The following KANK1 variants were observed in gnomAD, a reference collection of about 807,000 sequenced individuals.
KANK1 encodes the protein KN motif and ankyrin repeat domains 1.
In KANK1, 109 loss-of-function variants were observed where a neutral mutation model predicts 106.2. The observed-to-expected ratio is 1.03, with a 90% CI of 0.88 to 1.20. KANK1 has a LOEUF of 1.20. KANK1 is among the 50% of genes most tolerant of loss of function. The pLI, the probability that KANK1 is intolerant of heterozygous loss-of-function variation, is 0.00. For synonymous variants in KANK1, 873 were observed against 652.2 expected (o/e 1.34, Z -5.16); for missense variants, 2,399 against 1,710.7 (o/e 1.40, Z -7.10).
chr9:543,708 G>C (rs1231627256), intron 1 of KANK1, among the ~76,000 whole-genome samples: 2 of 152,170 alleles, frequency 1.3e-5, no homozygotes, highest in African/African-American at 2.4e-5. Context: ...TGTCAGTGCA[G>C]ATGGAAAACT....
chr9:745,527 C>T lies in KANK1; in HGVS notation c.*292C>T, dbSNP rs1391707521. 2.4e-5 allele frequency: 6 copies of T among 251,578 alleles called. No individual in the cohort carries two copies. The East Asian group carries it at 4.8e-4, about 20-fold the overall frequency. 15.6% of individuals were successfully genotyped at this position (251,578 alleles called of 1,614,324 possible). A position where few individuals can be genotyped will look rare whatever the true frequency, so the allele number is the denominator to read the frequency against. On this transcript the variant is annotated 3_prime_UTR_variant, in exon 12 of 12. Transcript: ENST00000382297. ...AGGGAATTCTGATCTGAAGGGGCAC[C>T]TTCTGTTCACTCCCACAAAGTGGTG... is the stretch of plus-strand genomic sequence containing the variant.
intron 2 of KANK1, chr9:686,647 T>G (rs1225772051): frequency 1.7e-6 from 1 of 587,498 alleles, no homozygotes; most frequent in Middle Eastern, 8.6e-4. Context: ...AGCACCACAC[T>G]TTATACAGCT....
intron 1 of KANK1, among the ~76,000 whole-genome samples, chr9:624,628 C>G (rs921314507): frequency 3.9e-5 from 6 of 151,938 alleles, no homozygotes; most frequent in South Asian, 2.1e-4. Context: ...CATAGTGAAA[C>G]CCCATCTCTA....
chr9:526,510 C>A (rs1035240773), intron 1 of KANK1, among the ~76,000 whole-genome samples: 3 of 151,626 alleles, frequency 2.0e-5, no homozygotes, highest in Non-Finnish European at 2.9e-5. Flanking sequence ...GCCATGAATT[C>A]AAGACCAGTC....
At chr9:637,213 G>A (rs1375432190) in intron 1 of KANK1, among the ~76,000 whole-genome samples, 6 of 152,138 alleles carry the variant, frequency 3.9e-5, no homozygotes. Flanking sequence ...GTCTTCTGTT[G>A]CCTTCAAACA....
At chr9:487,566 G>C (rs2058314099) in intron 3 of KANK1, among the ~76,000 whole-genome samples, 1 of 152,196 alleles carries the variant, frequency 6.6e-6, no homozygotes, top group South Asian at 2.1e-4. Flanking sequence ...TAGGGAGTCT[G>C]TACAAGTTAC....
At chr9:672,906 G>T (rs1176189866) in intron 1 of KANK1, among the ~76,000 whole-genome samples, 3 of 152,138 alleles carry the variant, frequency 2.0e-5, no homozygotes, top group African/African-American at 7.2e-5. Context: ...TTCTTTCTTA[G>T]CTAGGAGAAC....
At chr9:651,343 T>A (rs1840839850) in intron 1 of KANK1, among the ~76,000 whole-genome samples, 2 of 152,194 alleles carry the variant, frequency 1.3e-5, no homozygotes, top group Non-Finnish European at 1.5e-5. Flanking sequence ...TCCTGAAAAA[T>A]TTTCTGTCTT....
At chr9:508,289 C>T (rs554042887) in intron 1 of KANK1, among the ~76,000 whole-genome samples, 20 of 151,720 alleles carry the variant, frequency 1.3e-4, no homozygotes, top group Admixed American at 4.6e-4. Flanking sequence ...AGGCATCTGC[C>T]ACCATGCCCG....
At chr9:505,270 T>G (rs986784748) in intron 1 of KANK1, among the ~76,000 whole-genome samples, 3 of 151,992 alleles carry the variant, frequency 2.0e-5, no homozygotes, top group African/African-American at 7.2e-5. Flanking sequence ...CCCTTTATCC[T>G]CGGCCCCAGA....
intron 1 of KANK1, among the ~76,000 whole-genome samples, chr9:584,265 G>A (rs930814880): frequency 6.6e-6 from 1 of 152,154 alleles, no homozygotes; most frequent in Non-Finnish European, 1.5e-5. Flanking sequence ...AATATCATAT[G>A]ATTTACTTTT....
intron 1 of KANK1, among the ~76,000 whole-genome samples, chr9:596,424 A>G (rs140536070): frequency 1.3e-5 from 2 of 151,844 alleles, no homozygotes; most frequent in Admixed American, 6.5e-5. Flanking sequence ...AAAGGCAACC[A>G]AGGCTGGCTG....
At chr9:689,083 C>T (rs1022615745) in intron 2 of KANK1, among the ~76,000 whole-genome samples, 6 of 152,084 alleles carry the variant, frequency 3.9e-5, no homozygotes, top group Non-Finnish European at 7.4e-5. Flanking sequence ...TTCTGTGTCC[C>T]CCCAATTCAT....
chr9:693,310 A>G (rs1216550919), intron 2 of KANK1: 3 of 844,998 alleles, frequency 3.6e-6, no homozygotes, highest in Non-Finnish European at 4.3e-6. Context: ...CTGCTGTGCT[A>G]TAGCTCAAAT....
In KANK1 at chr9:712,693, AAGGAG is replaced by A; in HGVS notation, c.1928_1932del (p.Lys643MetfsTer9). ...TGTTGACGTGACCGTCTGCTCTCCAAAGGAGTGCGCCTCCCGGGGCGTGAACACTG... is the reference window on the plus strand; with the variant it reads ...TGTTGACGTGACCGTCTGCTCTCCAATGCGCCTCCCGGGGCGTGAACACTG... On this transcript the variant is annotated frameshift_variant, in exon 3 of 12. Transcript: ENST00000382297. LOFTEE classifies it high-confidence loss of function. The A allele has an allele frequency of 6.2e-7, 1 of 1,614,108 alleles. No homozygotes were observed. Among genetic ancestry groups the A allele is most frequent in the Non-Finnish European group, 8.5e-7 (1 of 1,179,996 alleles).
intron 2 of KANK1, among the ~76,000 whole-genome samples, chr9:697,076 CTGTGTG>C (rs3028272): frequency 6.6e-5 from 10 of 151,046 alleles, no homozygotes; most frequent in Admixed American, 1.3e-4. Context: ...TTTGTTCCAT[CTGTGTG>C]TGTGTGTGTG....
intron 1 of KANK1, among the ~76,000 whole-genome samples, chr9:617,615 G>T (rs959885121): frequency 5.3e-5 from 8 of 152,158 alleles, no homozygotes; most frequent in African/African-American, 1.7e-4. Context: ...TCACCTGGCT[G>T]TTGGGGGAGG....
At chr9:730,489 C>G (rs886190874) in intron 4 of KANK1, 4 of 467,186 alleles carry the variant, frequency 8.6e-6, no homozygotes, top group Non-Finnish European at 1.6e-5. Flanking sequence ...GCCAGGAGTT[C>G]GAGACCAGCC....
chr9:551,049 G>A (rs1317708712), intron 1 of KANK1, among the ~76,000 whole-genome samples: 1 of 151,978 alleles, frequency 6.6e-6, no homozygotes, highest in African/African-American at 2.4e-5. Flanking sequence ...GGAAAGCCAA[G>A]ATGGAAAATG....
Sources: allele counts gnomAD v4.1 joint callset (sites outside exome capture counted in the v4.1 genomes callset), GRCh38; gene constraint gnomAD v4.1.1; transcripts MANE v1.5; gene names NCBI Gene and HGNC (gene_info 2026-07-23, HGNC 2026-07-21).